NFATC3: variants seen among roughly 807,000 people sequenced by gnomAD.
The protein encoded by NFATC3 is nuclear factor of activated T-cells, cytoplasmic 3.
In NFATC3, 46 loss-of-function variants were observed where a neutral mutation model predicts 98.6. The observed-to-expected ratio is 0.47, with a 90% CI of 0.37 to 0.60. The LOEUF (loss-of-function observed/expected upper bound fraction) is 0.60, where lower values mean the gene tolerates loss of function less well. NFATC3 is among the 20% of genes least tolerant of loss of function. The pLI is 0.00. For synonymous variants in NFATC3, 512 were observed against 472.2 expected (o/e 1.08, Z -1.09); for missense variants, 1,256 against 1,295.5 (o/e 0.97, Z 0.47).
chr16:68,106,025 C>T (rs138850869), intron 1 of NFATC3, among the ~76,000 whole-genome samples: 9 of 151,836 alleles, frequency 5.9e-5, no homozygotes, highest in East Asian at 2.0e-4. Context: ...ATTACCACCA[C>T]GCCAGGCTAA....
intron 4 of NFATC3, among the ~76,000 whole-genome samples, chr16:68,161,063 C>G (rs1598472786): frequency 6.6e-6 from 1 of 152,166 alleles, no homozygotes; most frequent in Admixed American, 6.5e-5. Flanking sequence ...TCGAGCAAAA[C>G]TTTCTTGAGG....
intron 8 of NFATC3, among the ~76,000 whole-genome samples, chr16:68,188,425 G>A (rs901412027): frequency 2.6e-5 from 4 of 152,144 alleles, no homozygotes; most frequent in African/African-American, 7.2e-5. Context: ...CAAGGCTCCC[G>A]CCCTGCCAAT....
intron 1 of NFATC3, among the ~76,000 whole-genome samples, chr16:68,096,592 T>A (rs2035030463): frequency 6.6e-6 from 1 of 152,218 alleles, no homozygotes; most frequent in Admixed American, 6.5e-5. Flanking sequence ...ACAACAATAT[T>A]AATATAACAG....
intron 9 of NFATC3, among the ~76,000 whole-genome samples, chr16:68,207,101 G>A (rs1437588105): frequency 6.6e-6 from 1 of 151,198 alleles, no homozygotes; most frequent in Non-Finnish European, 1.5e-5. Context: ...CCTCAGGTCA[G>A]GAGTTCGAGA....
At chr16:68,220,971 T>G (rs8059303) in intron 9 of NFATC3, among the ~76,000 whole-genome samples, 6,128 of 152,090 alleles carry the variant, frequency 0.04, 371 homozygotes, top group African/African-American at 0.13. Context: ...CTTCTTGAAC[T>G]CCTGGCCTCA....
intron 5 of NFATC3, among the ~76,000 whole-genome samples, chr16:68,167,296 G>T (rs1219235696): frequency 6.6e-6 from 1 of 152,150 alleles, no homozygotes; most frequent in Non-Finnish European, 1.5e-5. Context: ...AGAATGGGGG[G>T]CCTGATGCCA....
chr16:68,211,751 A>G (rs2041411187), intron 9 of NFATC3, among the ~76,000 whole-genome samples: 1 of 146,356 alleles, frequency 6.8e-6, no homozygotes, highest in Non-Finnish European at 1.5e-5. Context: ...CGAACTCCTG[A>G]CCTCAGGTGA....
At chr16:68,193,563 G>A (rs1198681552) in intron 9 of NFATC3, among the ~76,000 whole-genome samples, 47 of 152,110 alleles carry the variant, frequency 3.1e-4, no homozygotes, top group Admixed American at 3.1e-3. Context: ...TAGCTACTAG[G>A]AAGACTGAAG....
chr16:68,100,069 T>C (rs1229294702), intron 1 of NFATC3, among the ~76,000 whole-genome samples: 1 of 152,226 alleles, frequency 6.6e-6, no homozygotes, highest in Non-Finnish European at 1.5e-5. Flanking sequence ...GTTTTATTGC[T>C]GAGTAGTGTT....
At chr16:68,209,697 C>G (rs2041293634) in intron 9 of NFATC3, 1 of 432,176 alleles carries the variant, frequency 2.3e-6, no homozygotes, top group African/African-American at 2.1e-5. Context: ...TGACAAGAAG[C>G]TAGGGGGAAT....
chr16:68,225,680 A>G (rs762900291), intron 9 of NFATC3: 6 of 152,230 alleles, frequency 3.9e-5, no homozygotes, highest in African/African-American at 1.4e-4. Flanking sequence ...TGGAATTAGC[A>G]TAGACTCTTT....
At chr16:68,201,801 A>AT (rs1257793421) in intron 9 of NFATC3, among the ~76,000 whole-genome samples, 1 of 142,330 alleles carries the variant, frequency 7.0e-6, no homozygotes, top group Non-Finnish European at 1.6e-5. Context: ...AAAGGAAAAA[A>AT]AGAAAAATCA....
intron 8 of NFATC3, among the ~76,000 whole-genome samples, chr16:68,188,865 C>G (rs532163640): frequency 3.9e-4 from 59 of 152,098 alleles, no homozygotes; most frequent in Admixed American, 9.2e-4. Context: ...TGCACCACCA[C>G]GCCTGGCTAA....
At chr16:68,135,457 CAAAAAAAAAAAAAAAAA>C (rs60331468) in intron 3 of NFATC3, among the ~76,000 whole-genome samples, 7 of 78,698 alleles carry the variant, frequency 8.9e-5, no homozygotes, top group African/African-American at 2.7e-4. Context: ...GACTCCGTCT[CAAAAAAAAAAAAAAAAA>C]AAAAAAAAAG....
At chr16:68,118,742 T>TTAC (rs1455887433) in intron 1 of NFATC3, among the ~76,000 whole-genome samples, 2 of 152,252 alleles carry the variant, frequency 1.3e-5, no homozygotes, top group Non-Finnish European at 2.9e-5. Context: ...CTTGGAAAGC[T>TTAC]TACTGGACTC....
At chr16:68,205,980 C>T (rs2041130135) in intron 9 of NFATC3, among the ~76,000 whole-genome samples, 1 of 151,964 alleles carries the variant, frequency 6.6e-6, no homozygotes, top group Non-Finnish European at 1.5e-5. Context: ...TCACTGCAAC[C>T]CCCACCTCCC....
At chr16:68,159,869 G>A (rs2151579945) in intron 4 of NFATC3, among the ~76,000 whole-genome samples, 1 of 152,102 alleles carries the variant, frequency 6.6e-6, no homozygotes, top group East Asian at 2.0e-4. Context: ...CCTGAGACCA[G>A]GAGTTTGAGA....
chr16:68,136,870 A>C (rs948300455), intron 3 of NFATC3, among the ~76,000 whole-genome samples: 1 of 152,176 alleles, frequency 6.6e-6, no homozygotes, highest in African/African-American at 2.4e-5. Flanking sequence ...GTCTCTTAAA[A>C]AACAACAACA....
intron 1 of NFATC3, among the ~76,000 whole-genome samples, chr16:68,092,463 A>AAAAT (rs1162983677): frequency 6.7e-6 from 1 of 149,010 alleles, no homozygotes; most frequent in African/African-American, 2.5e-5. Context: ...AAAAAAAAAA[A>AAAAT]AAATAAATAA....
Sources: gnomAD v4.1 joint callset for allele counts (sites outside exome capture counted in the v4.1 genomes callset) on GRCh38, gnomAD v4.1.1 for gene constraint, MANE v1.5 for transcripts, NCBI Gene and HGNC (gene_info 2026-07-23, HGNC 2026-07-21) for gene names.